The following NFXL1 variants were observed in gnomAD, a reference collection of about 807,000 sequenced individuals.
NFXL1 encodes the protein nuclear transcription factor, X-box binding like 1.
NFXL1 carries 66 observed loss-of-function variants against 123.3 expected under a neutral mutation model. The ratio of observed to expected loss-of-function variants is 0.54; its 90% CI spans 0.44 to 0.66. The LOEUF (loss-of-function observed/expected upper bound fraction) is 0.66. NFXL1 is among the 30% of genes least tolerant of loss of function. The probability of loss-of-function intolerance (pLI) is 0.00; values close to 1 mark genes in which losing one functional copy is unlikely to be tolerated. For synonymous variants in NFXL1, 346 were observed against 360.8 expected (o/e 0.96, Z 0.46); for missense variants, 944 against 1,125.6 (o/e 0.84, Z 2.31).
At chr4:47,881,194 G>T (rs981541541) in intron 15 of NFXL1, among the ~76,000 whole-genome samples, 1 of 151,998 alleles carries the variant, frequency 6.6e-6, no homozygotes, top group African/African-American at 2.4e-5. Flanking sequence ...CTAGAAAAGA[G>T]GATACTGAAT....
chr4:47,904,622 A>T (rs1181323874), intron 4 of NFXL1, among the ~76,000 whole-genome samples: 1 of 152,250 alleles, frequency 6.6e-6, no homozygotes, highest in Non-Finnish European at 1.5e-5. Context: ...TCTCTAGGCA[A>T]TGCTGCTATA....
chr4:47,907,753 A>G (rs1225841384), intron 3 of NFXL1, among the ~76,000 whole-genome samples: 1 of 152,210 alleles, frequency 6.6e-6, no homozygotes, highest in Non-Finnish European at 1.5e-5. Context: ...ACAAATGACA[A>G]ATGTTTTCTA....
At chr4:47,882,737 T>C (rs1736189533) in intron 15 of NFXL1, among the ~76,000 whole-genome samples, 1 of 152,184 alleles carries the variant, frequency 6.6e-6, no homozygotes, top group African/African-American at 2.4e-5. Context: ...GTTTCCAGTG[T>C]ACAGAAATTC....
intron 15 of NFXL1, among the ~76,000 whole-genome samples, chr4:47,881,946 T>C (rs1395226510): frequency 6.6e-5 from 10 of 152,150 alleles, no homozygotes; most frequent in Admixed American, 2.6e-4. Context: ...CTATTCTGTA[T>C]GAAACTATAA....
chr4:47,885,791 A>C, intron 13 of NFXL1, 88 bp downstream of exon 13: 1 of 1,474,146 alleles, frequency 6.8e-7, no homozygotes, highest in South Asian at 1.3e-5. Context: ...ATTTTAAAAC[A>C]CTAAAGCAAA....
At chr4:47,894,114 T>TG in intron 11 of NFXL1, 66 bp downstream of exon 11, 1 of 1,284,904 alleles carries the variant, frequency 7.8e-7, no homozygotes, top group Non-Finnish European at 1.1e-6. Flanking sequence ...AGCACTTATT[T>TG]GGGCCCAAAA....
At chr4:47,876,828 G>A (rs1735785335) in intron 17 of NFXL1, among the ~76,000 whole-genome samples, 1 of 152,078 alleles carries the variant, frequency 6.6e-6, no homozygotes, top group African/African-American at 2.4e-5. Flanking sequence ...ATCTATTGAT[G>A]ACAAACCTAA....
intron 11 of NFXL1, among the ~76,000 whole-genome samples, chr4:47,892,951 A>T (rs753183978): frequency 6.6e-6 from 1 of 152,180 alleles, no homozygotes; most frequent in Admixed American, 6.5e-5. Context: ...TAAAACAGAC[A>T]TTACAAATAT....
Position 47,913,969 on chromosome 4 carries a change from C to T in NFXL1, c.235G>A (p.Glu79Lys). Reference protein sequence around the residue: ...SQALQTTAASELMSQKKFEEI... With the variant: ...SQALQTTAASKLMSQKKFEEI... The stretch of plus-strand genomic sequence containing the variant: ...GCACGCGGGCGGGAGCCATTCTCAC[C>T]GCTGGCTGCGGTAGTCTGCAGGGCT... Residue 79 changes from glutamate to lysine, a missense_variant and splice_region_variant, in exon 2 of 23, where the codon GAG becomes AAG. Glu to Lys is a moderately conservative substitution (Grantham distance 56). Transcript: ENST00000507489. The T allele has an allele frequency of 1.3e-6, 2 of 1,542,904 alleles. No homozygotes were observed. The highest frequency in any genetic ancestry group is 1.7e-6 in the Non-Finnish European group (2 of 1,143,344).
chr4:47,905,791 T>C (rs758777141), intron 3 of NFXL1, among the ~76,000 whole-genome samples: 3 of 152,056 alleles, frequency 2.0e-5, no homozygotes, highest in Non-Finnish European at 4.4e-5. Context: ...ATTTAGCAGG[T>C]GTATTCTTAA....
intron 4 of NFXL1, among the ~76,000 whole-genome samples, chr4:47,903,733 T>C (rs1737447213): frequency 6.6e-6 from 1 of 152,144 alleles, no homozygotes; most frequent in Non-Finnish European, 1.5e-5. Flanking sequence ...TGTTGGATGA[T>C]TATTTCCAAG....
intron 18 of NFXL1, among the ~76,000 whole-genome samples, chr4:47,871,270 G>A (rs1189069660): frequency 6.6e-6 from 1 of 151,222 alleles, no homozygotes; most frequent in Non-Finnish European, 1.5e-5. Flanking sequence ...GGAGAATGGC[G>A]TGAACCTGGG....
intron 19 of NFXL1, among the ~76,000 whole-genome samples, chr4:47,855,982 T>C (rs1409159089): frequency 1.3e-5 from 2 of 152,198 alleles, no homozygotes; most frequent in East Asian, 1.9e-4. Flanking sequence ...AAATACATAA[T>C]AGTAGTTAAG....
At position 47,899,065 on chromosome 4, in the gene NFXL1, T is replaced by A. The variant is rs1394350158; in HGVS notation, c.882A>T (p.Ala294=). The A allele has an allele frequency of 6.2e-7, 1 of 1,613,624 alleles. No individual in the cohort carries two copies. Among genetic ancestry groups the A allele is most frequent in the Non-Finnish European group, 8.5e-7 (1 of 1,179,962 alleles). The change falls in exon 7 of 23, where the codon GCA becomes GCT. Residue 294 remains alanine (A), a synonymous_variant. Coordinates refer to ENST00000507489, the MANE Select transcript of NFXL1 (RefSeq NM_001278624.2). ...CACTGCACCTACGAGGGATAGGTTT[T>A]GCTTTCTTACAGTAACAAGTAGTTG... ...MVTTTCYCKK[A]KPIPRRCSAK...
intron 16 of NFXL1, 113 bp downstream of exon 16, chr4:47,878,983 C>T: frequency 1.5e-6 from 1 of 684,960 alleles, no homozygotes; most frequent in Non-Finnish European, 2.5e-6. Context: ...CTCTTTATAA[C>T]AGTAAAATAA....
intron 14 of NFXL1, among the ~76,000 whole-genome samples, chr4:47,884,841 G>A (rs1477042955): frequency 1.3e-5 from 2 of 152,024 alleles, no homozygotes; most frequent in Non-Finnish European, 2.9e-5. Flanking sequence ...TGTTCATGAG[G>A]CTGGGCTGGA....
intron 11 of NFXL1, among the ~76,000 whole-genome samples, chr4:47,892,115 C>T (rs1031337702): frequency 8.5e-5 from 13 of 152,298 alleles, no homozygotes; most frequent in Admixed American, 4.6e-4. Context: ...CAGATTTACA[C>T]TCCTGTCTCA....
In NFXL1 at chr4:47,898,802, T is replaced by A; in HGVS notation, c.1044A>T (p.Lys348Asn). 6.2e-7 allele frequency: 1 copy of A among 1,613,752 alleles called. No homozygotes were observed. The highest frequency in any genetic ancestry group is 8.5e-7 in the Non-Finnish European group (1 of 1,179,708). The change falls in exon 8 of 23, where the codon AAA (lysine) becomes AAT (asparagine). Residue 348 changes from lysine to asparagine, a missense_variant. Lys to Asn is a moderately conservative substitution (Grantham distance 94, BLOSUM62 0). Coordinates refer to ENST00000507489, the MANE Select transcript of NFXL1 (RefSeq NM_001278624.2). ...GACTTGCACAACTTCTTTCAGCTACTTTTTTGCCACAGACACACTTTTGTC... is the reference window on the plus strand; with the variant it reads ...GACTTGCACAACTTCTTTCAGCTACATTTTTGCCACAGACACACTTTTGTC... Reference protein sequence around the residue: ...VSRQKCVCGKKVAERSCASPL... With the variant: ...VSRQKCVCGKNVAERSCASPL...
chr4:47,863,911 C>CT (rs1734907615), intron 18 of NFXL1, among the ~76,000 whole-genome samples: 1 of 152,056 alleles, frequency 6.6e-6, no homozygotes, highest in Non-Finnish European at 1.5e-5. Flanking sequence ...TTCTCCTTTC[C>CT]TTTTTTCTGT....
Sources: allele counts gnomAD v4.1 joint callset (sites outside exome capture counted in the v4.1 genomes callset), GRCh38; gene constraint gnomAD v4.1.1; transcripts MANE v1.5; gene names NCBI Gene and HGNC (gene_info 2026-07-23, HGNC 2026-07-21).